The following ANXA10 variants were observed in gnomAD, a reference collection of about 807,000 sequenced individuals.
ANXA10 encodes the protein annexin 14.
In ANXA10, 49 loss-of-function variants were observed where a neutral mutation model predicts 53.5. That is an observed-to-expected ratio of 0.92 (90% CI 0.73 to 1.16). ANXA10 has a LOEUF of 1.16. Among genes scored for constraint, ANXA10 ranks in the 50% most tolerant of loss-of-function variants. The pLI, the probability that ANXA10 is intolerant of heterozygous loss-of-function variation, is 0.00. For synonymous variants in ANXA10, 131 were observed against 128.9 expected (o/e 1.02, Z -0.11); for missense variants, 393 against 394.4 (o/e 1.00, Z 0.03).
rs1421878836 is a variant in ANXA10, at chr4:168,183,952, G to A, written c.784-607G>A. Among the ~76,000 whole-genome samples, 4 of 151,994 alleles carry A rather than the reference G, an allele frequency of 2.6e-5. No homozygotes were observed. The East Asian group carries it at 7.7e-4, about 29-fold the overall frequency. On this transcript the variant is annotated intron_variant, in intron 10 of 11. Coordinates refer to ENST00000359299, the MANE Select transcript of ANXA10 (RefSeq NM_007193.5). ...GACAATTTGAAACTGATTTGTTAGG[G>A]TGCAGTATTTCTGGGGCTAGCATAC... is the stretch of plus-strand genomic sequence containing the variant.
chr4:168,093,594 G>A (rs1052485195), intron 1 of ANXA10, among the ~76,000 whole-genome samples: 6 of 152,026 alleles, frequency 3.9e-5, no homozygotes, highest in Non-Finnish European at 7.4e-5. Context: ...AGAGAATGGC[G>A]TGAACCCGGG....
intron 6 of ANXA10, among the ~76,000 whole-genome samples, 166 bp from the exon 7 acceptor site, chr4:168,177,574 T>C (rs1378752571): frequency 6.6e-6 from 1 of 152,180 alleles, no homozygotes; most frequent in Non-Finnish European, 1.5e-5. Context: ...CCTTATACAC[T>C]ATCTTCTAAA....
intron 3 of ANXA10, among the ~76,000 whole-genome samples, chr4:168,152,572 T>C (rs1731515439): frequency 1.3e-5 from 2 of 152,088 alleles, no homozygotes; most frequent in African/African-American, 4.8e-5. Context: ...AGAGAAAACA[T>C]TTTGAGCAGA....
chr4:168,103,797 A>G (rs1486759739), intron 1 of ANXA10, among the ~76,000 whole-genome samples: 1 of 151,934 alleles, frequency 6.6e-6, no homozygotes, highest in Non-Finnish European at 1.5e-5. Context: ...TGAAAATGGT[A>G]CATATCTTTA....
chr4:168,099,252 G>A (rs1302387324), intron 1 of ANXA10, among the ~76,000 whole-genome samples: 1 of 152,086 alleles, frequency 6.6e-6, no homozygotes. Context: ...TGGAGATATT[G>A]AATAAATGTA....
chr4:168,160,189 T>C (rs1481830038), intron 3 of ANXA10, among the ~76,000 whole-genome samples: 5 of 152,114 alleles, frequency 3.3e-5, no homozygotes, highest in Non-Finnish European at 5.9e-5. Flanking sequence ...CCATTAGCTA[T>C]TCTTCCTGAT....
At position 168,134,491 on chromosome 4, in the gene ANXA10, C is replaced by G. The variant is rs564476112; in HGVS notation, c.101-4995C>G. Among the ~76,000 whole-genome samples, 8 of 152,074 alleles carry G rather than the reference C, an allele frequency of 5.3e-5. No individual in the cohort carries two copies. The South Asian group carries it at 1.7e-3, about 32-fold the overall frequency. ...AACAGAACAAGAACAAAAAGTAAGA[C>G]TATAATAATTTCATAAATGTGATAA... On this transcript the variant is annotated intron_variant, in intron 2 of 11. Coordinates refer to ENST00000359299, the MANE Select transcript of ANXA10 (RefSeq NM_007193.5).
rs934903225 is a variant in ANXA10, at chr4:168,115,507, A to G, written c.19-12577A>G. Among the ~76,000 whole-genome samples, 1,310 of 139,662 alleles carry G rather than the reference A, an allele frequency of 9.4e-3. 20 individuals are homozygous for G. Among genetic ancestry groups the G allele is most frequent in the African/African-American group, 0.035 (1,231 of 35,454 alleles). 91.6% of individuals were successfully genotyped at this position (139,662 alleles called of 152,430 possible). A position where few individuals can be genotyped will look rare whatever the true frequency, so the allele number is the denominator to read the frequency against. ...CCCTACAATACACACGCACACACAC[A>G]CACACACACACACACACACACACAC... is the stretch of plus-strand genomic sequence containing the variant. On this transcript the variant is annotated intron_variant, in intron 1 of 11. Coordinates refer to ENST00000359299, the MANE Select transcript of ANXA10 (RefSeq NM_007193.5).
chr4:168,180,946 G>C (rs1041517962), intron 9 of ANXA10, among the ~76,000 whole-genome samples: 1 of 152,070 alleles, frequency 6.6e-6, no homozygotes, highest in Non-Finnish European at 1.5e-5. Context: ...GTGGTCCATA[G>C]TTTCCCCTTA....
At chr4:168,159,166 C>T (rs1001543088) in intron 3 of ANXA10, among the ~76,000 whole-genome samples, 1 of 152,158 alleles carries the variant, frequency 6.6e-6, no homozygotes, top group Non-Finnish European at 1.5e-5. Context: ...TATAGCTTTC[C>T]TCCTTATACT....
chr4:168,172,622 C>T (rs1005022677), intron 6 of ANXA10, among the ~76,000 whole-genome samples: 2 of 152,072 alleles, frequency 1.3e-5, no homozygotes, highest in Non-Finnish European at 2.9e-5. Context: ...AAGATCCCAG[C>T]CAGCCCTTAA....
At chr4:168,116,996 G>GACACACACACACACACACAC (rs9312272) in intron 1 of ANXA10, among the ~76,000 whole-genome samples, 135 of 151,124 alleles carry the variant, frequency 8.9e-4, no homozygotes, top group African/African-American at 1.9e-3. Flanking sequence ...TTTTCACACA[G>GACACACACACACACACACAC]ACACACACAC....
intron 10 of ANXA10, among the ~76,000 whole-genome samples, chr4:168,183,404 C>T (rs1223561579): frequency 6.6e-6 from 1 of 152,166 alleles, no homozygotes; most frequent in Non-Finnish European, 1.5e-5. Context: ...TTTGGAAATG[C>T]TATAGGATGA....
intron 3 of ANXA10, among the ~76,000 whole-genome samples, chr4:168,144,374 A>G (rs747842970): frequency 7.9e-5 from 12 of 152,052 alleles, no homozygotes; most frequent in Non-Finnish European, 1.8e-4. Flanking sequence ...TTTAGTAGAG[A>G]TAGGGATTTG....
At chr4:168,141,565 C>T (rs1731325922) in intron 3 of ANXA10, among the ~76,000 whole-genome samples, 1 of 152,158 alleles carries the variant, frequency 6.6e-6, no homozygotes, top group South Asian at 2.1e-4. Flanking sequence ...CCATGCGCTA[C>T]TAAAAAGTAT....
chr4:168,094,866 G>A (rs972432513), intron 1 of ANXA10, among the ~76,000 whole-genome samples: 1 of 152,044 alleles, frequency 6.6e-6, no homozygotes, highest in Admixed American at 6.5e-5. Flanking sequence ...AGTGATTAAG[G>A]TAGTTTAAGT....
chr4:168,097,696 C>T (rs1730573937), intron 1 of ANXA10, among the ~76,000 whole-genome samples: 1 of 152,050 alleles, frequency 6.6e-6, no homozygotes, highest in African/African-American at 2.4e-5. Context: ...TACCTGGTGT[C>T]CCTGGTCCCA....
intron 3 of ANXA10, among the ~76,000 whole-genome samples, chr4:168,154,116 A>G (rs940928715): frequency 4.6e-5 from 7 of 152,096 alleles, no homozygotes; most frequent in Admixed American, 4.6e-4. Context: ...TATCATATGT[A>G]AAGGGAAGAA....
intron 10 of ANXA10, among the ~76,000 whole-genome samples, chr4:168,182,232 T>C (rs1393973201): frequency 6.7e-6 from 1 of 150,254 alleles, no homozygotes; most frequent in Admixed American, 6.6e-5. Flanking sequence ...TAGAAAACCA[T>C]AAACTCTAAA....
Sources: allele counts gnomAD v4.1 joint callset (sites outside exome capture counted in the v4.1 genomes callset), GRCh38; gene constraint gnomAD v4.1.1; transcripts MANE v1.5; gene names NCBI Gene and HGNC (gene_info 2026-07-23, HGNC 2026-07-21).